VPS13A: variants seen among roughly 807,000 people sequenced by gnomAD.
VPS13A encodes vacuolar protein sorting 13 homolog A, also known as intermembrane lipid transfer protein VPS13A.
In VPS13A, 264 loss-of-function variants were observed where a neutral mutation model predicts 390.9. The observed-to-expected ratio is 0.68, with a 90% CI of 0.61 to 0.75. VPS13A has a LOEUF of 0.75. VPS13A is among the 30% of genes least tolerant of loss of function. VPS13A has a pLI of 0.00. For synonymous variants in VPS13A, 1,231 were observed against 1,227.1 expected (o/e 1.00, Z -0.07); for missense variants, 3,409 against 3,733.9 (o/e 0.91, Z 2.27).
chr9:77,284,038 C>T (rs1213535927), intron 31 of VPS13A, among the ~76,000 whole-genome samples: 1 of 147,266 alleles, frequency 6.8e-6, no homozygotes, highest in Non-Finnish European at 1.5e-5. Flanking sequence ...GGTCTGAAGT[C>T]TGAGGAAGTG....
chr9:77,302,790 C>A lies in VPS13A; in HGVS notation c.3813-125C>A, dbSNP rs911227008. The A allele has an allele frequency of 1.1e-5, 11 of 1,039,596 alleles. No homozygotes were observed. In the Admixed American group the frequency reaches 2.6e-4, roughly 24 times the overall value. The allele number at this position is 1,039,596 out of a possible 1,614,324, so 64.4% of individuals were successfully genotyped here. A position where few individuals can be genotyped will look rare whatever the true frequency, so the allele number is the denominator to read the frequency against. Reference sequence around the variant, plus strand: ...AAAAAAAAGTCTGATAGATATTTTCCCTTTATACCCAACAAATTATTGATT... The same window carrying A: ...AAAAAAAAGTCTGATAGATATTTTCACTTTATACCCAACAAATTATTGATT... On this transcript the variant is annotated intron_variant, in intron 33 of 71. Transcript: ENST00000360280.
chr9:77,188,514 T>C (rs1824480949), intron 1 of VPS13A, among the ~76,000 whole-genome samples: 1 of 152,222 alleles, frequency 6.6e-6, no homozygotes, highest in African/African-American at 2.4e-5. Flanking sequence ...TCCAGTCCAC[T>C]GTTGACAGAC....
chr9:77,213,766 A>G (rs1313343697), intron 9 of VPS13A, among the ~76,000 whole-genome samples: 1 of 152,050 alleles, frequency 6.6e-6, no homozygotes, highest in Non-Finnish European at 1.5e-5. Context: ...AGCCTTCCAA[A>G]GTGTTGGGAT....
chr9:77,216,181 T>A (rs186539206), intron 10 of VPS13A, among the ~76,000 whole-genome samples: 3,039 of 150,742 alleles, frequency 0.02, 65 homozygotes, highest in African/African-American at 0.052. Context: ...GAAAAAAAAA[T>A]TTTTTTTCTC....
intron 13 of VPS13A, among the ~76,000 whole-genome samples, 195 bp downstream of exon 13, chr9:77,221,551 TG>T (rs1823214521): frequency 6.6e-6 from 1 of 152,172 alleles, no homozygotes; most frequent in African/African-American, 2.4e-5. Flanking sequence ...AGTGAGCTTT[TG>T]AAATTCGAGA....
intron 68 of VPS13A, among the ~76,000 whole-genome samples, chr9:77,387,588 A>T (rs1199084320): frequency 1.1e-4 from 17 of 152,224 alleles, no homozygotes; most frequent in Admixed American, 1.1e-3. Flanking sequence ...GTGGACACTC[A>T]TAACCATAGA....
At position 77,356,822 on chromosome 9, in the gene VPS13A, T is replaced by G. The variant is rs1469426377; in HGVS notation, c.7761T>G (p.Ser2587=). 21 of 1,613,792 alleles carry G rather than the reference T, an allele frequency of 1.3e-5. No homozygotes were observed. In the Admixed American group the frequency reaches 3.5e-4, roughly 27 times the overall value. The part of the protein sequence containing the change: ...LEREFKEYTE[S]SPSEDKVIQL... ...GAGAATTTAAGGAATATACTGAATC[T>G]TCTCCTTCAGAAGATAAGGTTATTC... The change falls in exon 55 of 72, where the codon TCT becomes TCG. Residue 2587 remains serine (S), a synonymous_variant. Coordinates refer to ENST00000360280, the MANE Select transcript of VPS13A (RefSeq NM_033305.3).
intron 67 of VPS13A, among the ~76,000 whole-genome samples, chr9:77,380,204 C>A (rs1341036413): frequency 6.6e-6 from 1 of 152,086 alleles, no homozygotes; most frequent in Admixed American, 6.6e-5. Context: ...CATATATTTT[C>A]TCCTTTTTAG....
intron 33 of VPS13A, among the ~76,000 whole-genome samples, chr9:77,301,401 A>G (rs1442413732): frequency 6.6e-6 from 1 of 152,202 alleles, no homozygotes; most frequent in African/African-American, 2.4e-5. Flanking sequence ...TAGATTCCTT[A>G]ACCTATTACC....
chr9:77,369,490 G>T, intron 63 of VPS13A, 78 bp downstream of exon 63: 2 of 980,518 alleles, frequency 2.0e-6, no homozygotes, highest in South Asian at 1.3e-5. Flanking sequence ...TTGTTAAGTT[G>T]AGTTAATAAG....
At chr9:77,200,404 G>A (rs187796377) in intron 2 of VPS13A, among the ~76,000 whole-genome samples, 5 of 152,224 alleles carry the variant, frequency 3.3e-5, no homozygotes, top group South Asian at 2.1e-4. Flanking sequence ...CAGGAGAATC[G>A]CTTGAACCCA....
chr9:77,229,877 T>C (rs1276171147), intron 17 of VPS13A, among the ~76,000 whole-genome samples: 5 of 152,188 alleles, frequency 3.3e-5, no homozygotes, highest in Non-Finnish European at 2.9e-5. Flanking sequence ...CATTTTACAT[T>C]TCCATGAACA....
At chr9:77,314,400 A>C in intron 36 of VPS13A, 95 bp from the exon 37 acceptor site, 1 of 1,296,632 alleles carries the variant, frequency 7.7e-7, no homozygotes, top group Non-Finnish European at 1.1e-6. Flanking sequence ...GATGTTTGTT[A>C]TAAGCAGAGG....
intron 1 of VPS13A, among the ~76,000 whole-genome samples, chr9:77,187,616 C>T (rs1370639832): frequency 6.6e-6 from 1 of 151,862 alleles, no homozygotes; most frequent in African/African-American, 2.4e-5. Context: ...CATACACACA[C>T]ACACACACAC....
chr9:77,188,219 A>G (rs776559784), intron 1 of VPS13A, among the ~76,000 whole-genome samples: 13 of 152,136 alleles, frequency 8.5e-5, no homozygotes, highest in Non-Finnish European at 1.8e-4. Flanking sequence ...TGCTGGTGCC[A>G]TGCTTCCTGT....
At chr9:77,226,924 A>G (rs1823549326) in intron 15 of VPS13A, among the ~76,000 whole-genome samples, 1 of 152,072 alleles carries the variant, frequency 6.6e-6, no homozygotes, top group Admixed American at 6.6e-5. Flanking sequence ...AAGATTTTTG[A>G]TTTTTAACTA....
intron 45 of VPS13A, among the ~76,000 whole-genome samples, chr9:77,326,937 A>C (rs1373983606): frequency 6.6e-6 from 1 of 152,172 alleles, no homozygotes; most frequent in Non-Finnish European, 1.5e-5. Context: ...CTGTCCGTAC[A>C]GCTCTTGCCT....
At chr9:77,405,708 T>C (rs895750179) in intron 69 of VPS13A, among the ~76,000 whole-genome samples, 156 bp from the exon 70 acceptor site, 3 of 151,284 alleles carry the variant, frequency 2.0e-5, no homozygotes, top group East Asian at 3.9e-4. Context: ...GGACACACTT[T>C]ATGGTTCCAG....
intron 17 of VPS13A, among the ~76,000 whole-genome samples, chr9:77,236,885 T>C (rs1564653427): frequency 6.6e-6 from 1 of 152,138 alleles, no homozygotes; most frequent in Admixed American, 6.6e-5. Context: ...CCTGTTCTTA[T>C]CAAGTTTTAG....
Sources: gnomAD v4.1 joint callset for allele counts (sites outside exome capture counted in the v4.1 genomes callset) on GRCh38, gnomAD v4.1.1 for gene constraint, MANE v1.5 for transcripts, NCBI Gene and HGNC (gene_info 2026-07-23, HGNC 2026-07-21) for gene names.